Variants in CNTN4 observed in about 807,000 individuals in gnomAD.
CNTN4 encodes the protein contactin-4.
In CNTN4, 77 loss-of-function variants were observed where a neutral mutation model predicts 122.5. The ratio of observed to expected loss-of-function variants is 0.63; its 90% CI spans 0.52 to 0.76. The LOEUF is 0.76. CNTN4 is among the 30% of genes least tolerant of loss of function. The pLI is 0.00. For synonymous variants in CNTN4, 512 were observed against 447.0 expected (o/e 1.15, Z -1.83); for missense variants, 1,256 against 1,259.1 (o/e 1.00, Z 0.04).
In CNTN4 at chr3:2,887,199, A is replaced by G. The variant is rs746791283; in HGVS notation, c.915A>G (p.Val305=). The G allele has an allele frequency of 6.2e-7, 1 of 1,613,772 alleles. No individual in the cohort carries two copies. The highest frequency in any genetic ancestry group is 1.7e-5 in the Admixed American group (1 of 60,032). ...CVAENSRGKN[V]ARGQLTFYAQ... ...CTGAAAATTCCAGAGGGAAAAATGTAGCAAGGGGACAGCTAACTTTCTATG... is the reference window on the plus strand; with the variant it reads ...CTGAAAATTCCAGAGGGAAAAATGTGGCAAGGGGACAGCTAACTTTCTATG... Residue 305 remains valine, a synonymous_variant, in exon 10 of 25, where the codon GTA becomes GTG. Coordinates refer to ENST00000418658, the MANE Select transcript of CNTN4 (RefSeq NM_175607.3).
chr3:2,673,340 C>T (rs1387533285), intron 4 of CNTN4, among the ~76,000 whole-genome samples: 1 of 152,142 alleles, frequency 6.6e-6, no homozygotes, highest in Non-Finnish European at 1.5e-5. Context: ...CCAACTAGAT[C>T]GCTCTTGCAG....
chr3:2,581,626 G>GC (rs2079941267), intron 4 of CNTN4, among the ~76,000 whole-genome samples: 2 of 152,076 alleles, frequency 1.3e-5, no homozygotes, highest in South Asian at 4.2e-4. Flanking sequence ...GTGAAGACCA[G>GC]TTTTTTTTCT....
intron 4 of CNTN4, among the ~76,000 whole-genome samples, chr3:2,669,512 ATCAATTT>A (rs1224098774): frequency 1.3e-5 from 2 of 152,122 alleles, no homozygotes; most frequent in Admixed American, 1.3e-4. Context: ...CTAGCAGTCT[ATCAATTT>A]TGTTGATCTT....
At chr3:2,145,460 G>C (rs1181776264) in intron 2 of CNTN4, among the ~76,000 whole-genome samples, 2 of 152,100 alleles carry the variant, frequency 1.3e-5, no homozygotes. Context: ...TAAGAGGCTT[G>C]GAAATAATCA....
At chr3:2,703,048 C>T (rs770079226) in intron 4 of CNTN4, among the ~76,000 whole-genome samples, 9 of 152,260 alleles carry the variant, frequency 5.9e-5, no homozygotes, top group Non-Finnish European at 1.2e-4. Context: ...AAGGGTTTTA[C>T]AGGTAGTATC....
intron 23 of CNTN4, 75 bp downstream of exon 23, chr3:3,043,779 TTGTC>T: frequency 1.1e-6 from 1 of 924,626 alleles, no homozygotes; most frequent in African/African-American, 1.6e-5. Flanking sequence ...AATTATACAG[TTGTC>T]TGCATTGTCA....
At chr3:2,528,535 C>T (rs112010258) in intron 3 of CNTN4, among the ~76,000 whole-genome samples, 16 of 152,098 alleles carry the variant, frequency 1.1e-4, no homozygotes, top group Non-Finnish European at 1.5e-4. Context: ...AAGGTGAAAC[C>T]GAAACTGATT....
At chr3:2,436,721 A>G (rs2048270462) in intron 3 of CNTN4, among the ~76,000 whole-genome samples, 1 of 151,326 alleles carries the variant, frequency 6.6e-6, no homozygotes, top group African/African-American at 2.4e-5. Flanking sequence ...CTGCAGTTTA[A>G]TGTCTCTTAT....
intron 4 of CNTN4, among the ~76,000 whole-genome samples, chr3:2,612,790 T>G (rs1166086102): frequency 6.6e-6 from 1 of 152,166 alleles, no homozygotes; most frequent in Non-Finnish European, 1.5e-5. Context: ...GACATTTAAT[T>G]TTGTCAAATC....
At chr3:2,255,058 T>C (rs2040524690) in intron 2 of CNTN4, among the ~76,000 whole-genome samples, 1 of 152,204 alleles carries the variant, frequency 6.6e-6, no homozygotes, top group African/African-American at 2.4e-5. Context: ...GAGTTAATTT[T>C]TGTATAAGGT....
intron 3 of CNTN4, among the ~76,000 whole-genome samples, chr3:2,506,151 A>G (rs1432148850): frequency 6.6e-6 from 1 of 152,100 alleles, no homozygotes; most frequent in Non-Finnish European, 1.5e-5. Flanking sequence ...ATCTAAGGAG[A>G]GACACTTTCC....
At chr3:2,694,073 T>C (rs1267145299) in intron 4 of CNTN4, among the ~76,000 whole-genome samples, 1 of 152,208 alleles carries the variant, frequency 6.6e-6, no homozygotes, top group Admixed American at 6.5e-5. Flanking sequence ...TCCTCATACT[T>C]TCCTGCTAGG....
rs68070708 is a variant in CNTN4 at position 2,677,482 on chromosome 3, A to ATATCTATCTATCTATC, written c.56-58707_56-58692dup. 1.9e-3 allele frequency among the ~76,000 whole-genome samples: 229 copies of ATATCTATCTATCTATC among 121,058 alleles called. 1 individual carries two copies. The highest frequency in any genetic ancestry group is 3.2e-3 in the East Asian group (12 of 3,704). The allele number at this position is 121,058 out of a possible 152,430, so 79.4% of individuals were successfully genotyped here. A position where few individuals can be genotyped will look rare whatever the true frequency, so the allele number is the denominator to read the frequency against. On this transcript the variant is annotated intron_variant, in intron 4 of 24. Transcript: ENST00000418658. ...TATGTATCTATCCATCTATCCATCT[A>ATATCTATCTATCTATC]TATCTATCTATCTATCTATCTATCT...
intron 12 of CNTN4, among the ~76,000 whole-genome samples, chr3:2,919,726 G>A (rs1201901402): frequency 6.6e-6 from 1 of 152,160 alleles, no homozygotes; most frequent in Non-Finnish European, 1.5e-5. Flanking sequence ...ATATAAGAAA[G>A]TCGATGTGAT....
intron 2 of CNTN4, among the ~76,000 whole-genome samples, chr3:2,192,081 A>G (rs1032232597): frequency 2.0e-5 from 3 of 151,764 alleles, no homozygotes; most frequent in Non-Finnish European, 4.4e-5. Flanking sequence ...ATGGCTGCAT[A>G]GTATTCCATG....
chr3:2,242,482 C>G (rs1455596319), intron 2 of CNTN4, among the ~76,000 whole-genome samples: 17 of 152,074 alleles, frequency 1.1e-4, no homozygotes, highest in Admixed American at 1.1e-3. Context: ...GCAGGATGTG[C>G]AGGTTTGTTA....
chr3:2,460,767 C>T (rs1489009267), intron 3 of CNTN4, among the ~76,000 whole-genome samples: 3 of 152,166 alleles, frequency 2.0e-5, no homozygotes, highest in Non-Finnish European at 2.9e-5. Flanking sequence ...AGGGGCATCT[C>T]TACCAGAGAT....
chr3:2,395,167 G>T (rs187601857), intron 3 of CNTN4, among the ~76,000 whole-genome samples: 152 of 152,236 alleles, frequency 1.0e-3, no homozygotes, highest in Admixed American at 4.3e-3. Flanking sequence ...ATAAACTGTT[G>T]TTTATTCATA....
At chr3:2,140,663 G>C (rs1405394231) in intron 2 of CNTN4, among the ~76,000 whole-genome samples, 1 of 152,190 alleles carries the variant, frequency 6.6e-6, no homozygotes, top group African/African-American at 2.4e-5. Flanking sequence ...AGGATTTCAA[G>C]ATATGAATTT....
Sources: allele counts gnomAD v4.1 joint callset (sites outside exome capture counted in the v4.1 genomes callset), GRCh38; gene constraint gnomAD v4.1.1; transcripts MANE v1.5; gene names NCBI Gene and HGNC (gene_info 2026-07-23, HGNC 2026-07-21).